RASGRP1: variants seen among roughly 807,000 people sequenced by gnomAD.
RASGRP1 encodes RAS guanyl-releasing protein 1.
A neutral mutation model predicts 95.1 loss-of-function variants in RASGRP1; 37 were observed. The ratio of observed to expected loss-of-function variants is 0.39; its 90% confidence interval spans 0.30 to 0.51. RASGRP1 has a LOEUF of 0.51. RASGRP1 is among the 20% of genes least tolerant of loss of function. RASGRP1 has a pLI of 0.80. For synonymous variants in RASGRP1, 325 were observed against 353.4 expected (o/e 0.92, Z 0.90); for missense variants, 711 against 965.4 (o/e 0.74, Z 3.49).
intron 2 of RASGRP1, among the ~76,000 whole-genome samples, chr15:38,556,872 T>C (rs2141194476): frequency 6.6e-6 from 1 of 152,302 alleles, no homozygotes; most frequent in African/African-American, 2.4e-5. Flanking sequence ...ACAGTTTCTT[T>C]CCCTCTTTTA....
chr15:38,537,613 C>T (rs1030946909), intron 2 of RASGRP1, among the ~76,000 whole-genome samples: 1 of 152,184 alleles, frequency 6.6e-6, no homozygotes, highest in Admixed American at 6.5e-5. Context: ...TGAGAACTCA[C>T]TATCATGGGG....
At chr15:38,496,631 T>G (rs1436424027) in intron 15 of RASGRP1, among the ~76,000 whole-genome samples, 1 of 152,238 alleles carries the variant, frequency 6.6e-6, no homozygotes, top group Non-Finnish European at 1.5e-5. Context: ...CATCAAATTC[T>G]TAGTTGATTA....
intron 16 of RASGRP1, among the ~76,000 whole-genome samples, chr15:38,494,089 T>C (rs909870377): frequency 2.6e-5 from 4 of 152,174 alleles, no homozygotes; most frequent in African/African-American, 9.7e-5. Flanking sequence ...GCACCAGCAC[T>C]CTGAAATGCC....
At chr15:38,548,511 CTGCAGTGAG>C (rs893057467) in intron 2 of RASGRP1, among the ~76,000 whole-genome samples, 3 of 152,162 alleles carry the variant, frequency 2.0e-5, no homozygotes, top group Non-Finnish European at 4.4e-5. Flanking sequence ...AAGGCAGAGA[CTGCAGTGAG>C]CCAAGATGGC....
At position 38,558,284 on chromosome 15, in the gene RASGRP1, T is replaced by A. The variant is rs1044047185; in HGVS notation, c.220+1537A>T. On this transcript the variant is annotated intron_variant, in intron 2 of 16. Transcript: ENST00000310803. ...CCGGTCTCCACCATCCTCTAGTTTA[T>A]CTCCTCGCAGTATATTTTCTAAGGA... is the stretch of plus-strand genomic sequence containing the variant. 6.6e-5 allele frequency among the ~76,000 whole-genome samples: 10 copies of A among 152,268 alleles called. No homozygotes were observed. The East Asian group carries it at 1.9e-3, about 29-fold the overall frequency.
intron 2 of RASGRP1, among the ~76,000 whole-genome samples, chr15:38,549,176 C>A (rs191449520): frequency 6.6e-6 from 1 of 152,160 alleles, no homozygotes; most frequent in Admixed American, 6.5e-5. Flanking sequence ...AATGGTGAAC[C>A]CACCAAGGTA....
Position 38,504,934 on chromosome 15 carries a change from C to T in RASGRP1, c.1323+906G>A, listed in dbSNP as rs184964666. 8 of 152,282 alleles carry T rather than the reference C, an allele frequency of 5.3e-5. No individual in the cohort carries two copies. In the East Asian group the frequency reaches 1.5e-3, roughly 29 times the overall value. 9.4% of individuals were successfully genotyped at this position (152,282 alleles called of 1,614,324 possible). On this transcript the variant is annotated intron_variant, in intron 10 of 16. Coordinates refer to ENST00000310803, the MANE Select transcript of RASGRP1 (RefSeq NM_005739.4). ...CTGACCAAAATGTCATTATGTGGTG[C>T]ATGACTGTATTTGAAACTCAGCCCA...
intron 10 of RASGRP1, 118 bp from the exon 11 acceptor site, chr15:38,503,494 T>C (rs1354984309): frequency 9.5e-6 from 8 of 841,476 alleles, no homozygotes; most frequent in Non-Finnish European, 1.3e-5. Context: ...TTATGTTCAG[T>C]GGCAAGGAGC....
chr15:38,490,631 G>T lies in RASGRP1; in HGVS notation c.2317C>A (p.Gln773Lys), dbSNP rs747104731. ...AGCTGGAGGGATTCTATTTTCTTCT[G>T]TGCATATTTCAGTTGGATCTTTAGG... is the stretch of plus-strand genomic sequence containing the variant. The part of the protein sequence containing the change: ...DALKIQLKYA[Q>K]KKIESLQLEK... The change falls in exon 17 of 17, where the codon CAG becomes AAG. Residue 773 changes from glutamine to lysine, a missense_variant. Transcript: ENST00000310803. 6.2e-7 allele frequency: 1 copy of T among 1,612,912 alleles called. No individual in the cohort carries two copies. Among genetic ancestry groups the T allele is most frequent in the Non-Finnish European group, 8.5e-7 (1 of 1,179,210 alleles).
chr15:38,518,701 G>C (rs552184910), intron 4 of RASGRP1, among the ~76,000 whole-genome samples: 1 of 152,300 alleles, frequency 6.6e-6, no homozygotes, highest in East Asian at 1.9e-4. Flanking sequence ...ATGTGGGTTG[G>C]AGATAATTAT....
At chr15:38,505,552 T>C (rs977516717) in intron 10 of RASGRP1, among the ~76,000 whole-genome samples, 2 of 152,194 alleles carry the variant, frequency 1.3e-5, no homozygotes, top group African/African-American at 4.8e-5. Context: ...ACTGACTGAT[T>C]CCACCACACC....
intron 3 of RASGRP1, 135 bp downstream of exon 3, chr15:38,526,164 C>T: frequency 1.4e-6 from 1 of 699,540 alleles, no homozygotes; most frequent in South Asian, 1.6e-5. Context: ...CACCCATACC[C>T]CTGAAAGGAC....
At chr15:38,544,380 G>C (rs1280421130) in intron 2 of RASGRP1, among the ~76,000 whole-genome samples, 1 of 152,140 alleles carries the variant, frequency 6.6e-6, no homozygotes, top group Non-Finnish European at 1.5e-5. Flanking sequence ...AACACAAACT[G>C]TTCTCTCTGT....
rs1890474619 is a variant in RASGRP1, at chr15:38,489,232, A to C, written c.*1322T>G. The C allele has an allele frequency of 2.0e-5, 3 of 151,854 alleles. No individual in the cohort carries two copies. 9.4% of individuals were successfully genotyped at this position (151,854 alleles called of 1,614,324 possible). On this transcript the variant is annotated 3_prime_UTR_variant, in exon 17 of 17. Transcript: ENST00000310803. The stretch of plus-strand genomic sequence containing the variant: ...GCATGGAAGCTAAGTACCCCCAAAA[A>C]GGAAAATGATCATATGATTTTTTTT...
intron 2 of RASGRP1, 112 bp from the exon 3 acceptor site, chr15:38,526,516 T>A: frequency 1.4e-6 from 1 of 708,020 alleles, no homozygotes; most frequent in East Asian, 2.7e-5. Context: ...CACAGTGATT[T>A]TCTTCCACTG....
At chr15:38,501,351 G>A in intron 12 of RASGRP1, 64 bp from the exon 13 acceptor site, 1 of 1,567,456 alleles carries the variant, frequency 6.4e-7, no homozygotes, top group Non-Finnish European at 8.8e-7. Context: ...TAGCAAGGGG[G>A]GGCTTCTAGC....
chr15:38,564,577 C>T lies in RASGRP1; in HGVS notation c.35+17G>A, dbSNP rs1893957027. ...AGGACACAGGCGCTCCCGAGGGCCA[C>T]GGCCGCCTCTACTCACCGCGGAGCC... On this transcript the variant is annotated intron_variant, in intron 1 of 16. Coordinates refer to ENST00000310803, the MANE Select transcript of RASGRP1 (RefSeq NM_005739.4). 2 of 1,371,298 alleles carry T rather than the reference C, an allele frequency of 1.5e-6. No homozygotes were observed. Among genetic ancestry groups the T allele is most frequent in the South Asian group, 3.7e-5 (2 of 54,296 alleles). 84.9% of individuals were successfully genotyped at this position (1,371,298 alleles called of 1,614,324 possible). A position where few individuals can be genotyped will look rare whatever the true frequency, so the allele number is the denominator to read the frequency against.
chr15:38,527,713 A>G (rs1892277401), intron 2 of RASGRP1, among the ~76,000 whole-genome samples: 1 of 152,112 alleles, frequency 6.6e-6, no homozygotes, highest in Admixed American at 6.6e-5. Context: ...AATGTACCAA[A>G]TGGTAAATGA....
intron 3 of RASGRP1, among the ~76,000 whole-genome samples, chr15:38,521,889 C>A (rs1376650699): frequency 1.3e-5 from 2 of 152,074 alleles, no homozygotes; most frequent in African/African-American, 4.8e-5. Context: ...GGAAACTAAG[C>A]GTAAAGAAAG....
Sources: gnomAD v4.1 joint callset for allele counts (sites outside exome capture counted in the v4.1 genomes callset) on GRCh38, gnomAD v4.1.1 for gene constraint, MANE v1.5 for transcripts, NCBI Gene and HGNC (gene_info 2026-07-23, HGNC 2026-07-21) for gene names.